BICC1: variants seen among roughly 807,000 people sequenced by gnomAD.
The protein encoded by BICC1 is BicC family RNA binding protein 1, also known as protein bicaudal C homolog 1.
Under a neutral mutation model 111.0 loss-of-function variants are expected in BICC1, and 43 were observed. That is an observed-to-expected ratio of 0.39 (90% confidence interval 0.30 to 0.50). The LOEUF (loss-of-function observed/expected upper bound fraction) is 0.50, where lower values mean the gene tolerates loss of function less well. Among genes scored for constraint, BICC1 ranks in the 20% least tolerant of loss-of-function variants. The pLI is 0.88. For synonymous variants in BICC1, 467 were observed against 434.4 expected, an observed-to-expected ratio of 1.07 and a Z score of -0.93; for missense variants, 1,091 against 1,203.2, an observed-to-expected ratio of 0.91 and a Z score of 1.38.
rs1477936340 is a variant in BICC1 at position 58,753,326 on chromosome 10, G to A, written c.308-31675G>A. 2.6e-5 allele frequency among the ~76,000 whole-genome samples: 4 copies of A among 151,948 alleles called. No homozygotes were observed. In the East Asian group the frequency reaches 7.7e-4, roughly 29 times the overall value. On this transcript the variant is annotated intron_variant, in intron 3 of 20. Coordinates refer to ENST00000373886, the MANE Select transcript of BICC1 (RefSeq NM_001080512.3). ...TGGGACCCCAGGCACACACCATCAG[G>A]CCTGGCTGATTTTTTATTTTTGTTA... is the stretch of plus-strand genomic sequence containing the variant.
intron 13 of BICC1, 111 bp from the exon 14 acceptor site, chr10:58,800,779 T>C (rs2132870459): frequency 9.2e-7 from 1 of 1,091,450 alleles, no homozygotes; most frequent in Non-Finnish European, 1.3e-6. Flanking sequence ...CTCTGTCAGG[T>C]TAATCATGTC....
intron 3 of BICC1, among the ~76,000 whole-genome samples, chr10:58,742,159 C>CTT (rs3076331): frequency 1 from 151,873 of 152,316 alleles, 75,717 homozygotes; most frequent in Middle Eastern, 1. Context: ...AGTTTGAAAA[C>CTT]TTGTTTTTTT....
intron 3 of BICC1, among the ~76,000 whole-genome samples, chr10:58,752,872 A>G (rs1157448094): frequency 6.6e-6 from 1 of 152,158 alleles, no homozygotes; most frequent in Non-Finnish European, 1.5e-5. Flanking sequence ...GGAGGTCAGC[A>G]GTGCAGGCTG....
chr10:58,639,453 G>A (rs918649269), intron 2 of BICC1, among the ~76,000 whole-genome samples: 2 of 147,284 alleles, frequency 1.4e-5, no homozygotes, highest in Admixed American at 6.8e-5. Context: ...GGAGTGCAGT[G>A]GTGCAATCTC....
In BICC1 at chr10:58,826,814, G is replaced by A. The variant is rs1844412959; in HGVS notation, c.2795-1947G>A. On this transcript the variant is annotated intron_variant, in intron 20 of 20. Coordinates refer to ENST00000373886, the MANE Select transcript of BICC1 (RefSeq NM_001080512.3). ...CCGAATTTCAGACAGGAAGGGATAGGCTGACTGCTGTTTTGTGCGAATGCA... is the reference window on the plus strand; with the variant it reads ...CCGAATTTCAGACAGGAAGGGATAGACTGACTGCTGTTTTGTGCGAATGCA... Among the ~76,000 whole-genome samples, 6 of 152,282 alleles carry A rather than the reference G, an allele frequency of 3.9e-5. No homozygotes were observed. The South Asian group carries it at 1.2e-3, about 32-fold the overall frequency.
chr10:58,606,404 AT>A (rs1442930936), intron 1 of BICC1, among the ~76,000 whole-genome samples: 2 of 108,416 alleles, frequency 1.8e-5, no homozygotes, highest in Non-Finnish European at 3.4e-5. Flanking sequence ...GTTGAAAATA[AT>A]TTTTCCCTGG....
chr10:58,744,228 G>A (rs764104990), intron 3 of BICC1, among the ~76,000 whole-genome samples: 8 of 152,154 alleles, frequency 5.3e-5, no homozygotes, highest in Non-Finnish European at 8.8e-5. Flanking sequence ...GGAAAAAATA[G>A]TATTGTTTTA....
At chr10:58,693,712 GT>G (rs911606963) in intron 2 of BICC1, among the ~76,000 whole-genome samples, 1 of 151,922 alleles carries the variant, frequency 6.6e-6, no homozygotes, top group African/African-American at 2.4e-5. Flanking sequence ...GGGGTTGTTT[GT>G]TTTTTTCTTG....
intron 17 of BICC1, among the ~76,000 whole-genome samples, chr10:58,812,970 A>C (rs139934164): frequency 1.5e-3 from 227 of 152,282 alleles, no homozygotes; most frequent in African/African-American, 5.1e-3. Flanking sequence ...CAAAGGACAC[A>C]GTGAGGTAGG....
chr10:58,702,543 C>A (rs1840270190), intron 3 of BICC1, among the ~76,000 whole-genome samples: 1 of 151,460 alleles, frequency 6.6e-6, no homozygotes, highest in Non-Finnish European at 1.5e-5. Context: ...ATGATATGAA[C>A]CTTAGATTTC....
intron 2 of BICC1, among the ~76,000 whole-genome samples, chr10:58,640,352 A>G (rs951450497): frequency 6.6e-6 from 1 of 152,236 alleles, no homozygotes; most frequent in African/African-American, 2.4e-5. Flanking sequence ...ATGTTTACCT[A>G]TAAACAGGTA....
At chr10:58,750,317 CA>C (rs1841950979) in intron 3 of BICC1, among the ~76,000 whole-genome samples, 1 of 152,032 alleles carries the variant, frequency 6.6e-6, no homozygotes, top group South Asian at 2.1e-4. Context: ...CAGCCATAGA[CA>C]AGCATTATTA....
At chr10:58,715,442 A>C (rs2132500621) in intron 3 of BICC1, 1 of 657,386 alleles carries the variant, frequency 1.5e-6, no homozygotes, top group South Asian at 1.6e-5. Context: ...TCTTCTTAAA[A>C]AATAAGCAGA....
At position 58,744,624 on chromosome 10, in the gene BICC1, T is replaced by A. The variant is rs558922472; in HGVS notation, c.308-40377T>A. ...GTTTAATATTTTATTTTATTAGCCA[T>A]TGAAGAGGAAGCATAAAATCTTACA... is the stretch of plus-strand genomic sequence containing the variant. On this transcript the variant is annotated intron_variant, in intron 3 of 20. Transcript: ENST00000373886. Among the ~76,000 whole-genome samples the A allele has an allele frequency of 2.0e-5, 3 of 152,288 alleles. No homozygotes were observed. The East Asian group carries it at 5.8e-4, about 29-fold the overall frequency.
intron 20 of BICC1, among the ~76,000 whole-genome samples, chr10:58,828,339 A>T (rs1272043317): frequency 1.3e-5 from 2 of 152,134 alleles, no homozygotes. Flanking sequence ...TAGCTGTAAT[A>T]ATTTTCTGTG....
chr10:58,616,948 A>G (rs1845630554), intron 1 of BICC1, among the ~76,000 whole-genome samples: 1 of 152,114 alleles, frequency 6.6e-6, no homozygotes, highest in African/African-American at 2.4e-5. Flanking sequence ...TGCGGCTGAG[A>G]CCACCTTCCT....
intron 2 of BICC1, among the ~76,000 whole-genome samples, chr10:58,645,246 A>T (rs1588966461): frequency 6.6e-6 from 1 of 152,094 alleles, no homozygotes. Flanking sequence ...TGTCTCTATT[A>T]AAAATACAAA....
intron 2 of BICC1, among the ~76,000 whole-genome samples, chr10:58,656,682 T>C (rs1363681345): frequency 2.6e-5 from 4 of 152,228 alleles, no homozygotes; most frequent in African/African-American, 7.2e-5. Flanking sequence ...TTGTCCCAGC[T>C]TGACCTCAGT....
intron 7 of BICC1, 82 bp downstream of exon 7, chr10:58,789,538 A>T: frequency 3.3e-6 from 5 of 1,506,632 alleles, no homozygotes; most frequent in Non-Finnish European, 4.5e-6. Flanking sequence ...GACTAATTTG[A>T]TTTCCAGAAT....
Sources: gnomAD v4.1 joint callset for allele counts (sites outside exome capture counted in the v4.1 genomes callset) on GRCh38, gnomAD v4.1.1 for gene constraint, MANE v1.5 for transcripts, NCBI Gene and HGNC (gene_info 2026-07-23, HGNC 2026-07-21) for gene names.